Variants in CPEB1 observed in about 807,000 individuals in gnomAD.
CPEB1 encodes the protein cytoplasmic polyadenylation element binding protein 1.
CPEB1 carries 7 observed loss-of-function variants against 65.8 expected under a neutral mutation model. The observed-to-expected ratio is 0.11, with a 90% CI of 0.06 to 0.20. CPEB1 has a LOEUF of 0.20. Among genes scored for constraint, CPEB1 ranks in the 10% least tolerant of loss-of-function variants. The pLI, the probability that CPEB1 is intolerant of heterozygous loss-of-function variation, is 1.00. For missense variants in CPEB1, 551 were observed against 712.2 expected (o/e 0.77, Z 2.58); for synonymous variants, 262 against 260.0 (o/e 1.01, Z -0.08).
chr15:82,549,362 G>A (rs1205060523), intron 10 of CPEB1, 98 bp downstream of exon 10: 2 of 1,224,822 alleles, frequency 1.6e-6, no homozygotes, highest in African/African-American at 1.5e-5. Context: ...TGCAGACCTG[G>A]GTCAGGCCTC....
At chr15:82,606,233 C>T (rs1489455453) in intron 3 of CPEB1, among the ~76,000 whole-genome samples, 3 of 151,384 alleles carry the variant, frequency 2.0e-5, no homozygotes, top group Non-Finnish European at 2.9e-5. Context: ...TTTGGGAGGC[C>T]GAGGCAGGCG....
chr15:82,589,926 G>A lies in CPEB1; in HGVS notation c.272-18394C>T, dbSNP rs868268397. ...AATCTAGAGATAAAGTATATATAAAGGAGGACATGCATGGGTTAGATGCAA... is the reference window on the plus strand; with the variant it reads ...AATCTAGAGATAAAGTATATATAAAAGAGGACATGCATGGGTTAGATGCAA... On this transcript the variant is annotated intron_variant, in intron 3 of 12. Transcript: ENST00000684509. Among the ~76,000 whole-genome samples, 27 of 152,240 alleles carry A rather than the reference G, an allele frequency of 1.8e-4. 1 individual carries two copies. The Middle Eastern group carries it at 0.017, about 96-fold the overall frequency.
intron 3 of CPEB1, among the ~76,000 whole-genome samples, chr15:82,602,840 A>C (rs1229212039): frequency 6.6e-6 from 1 of 152,034 alleles, no homozygotes; most frequent in Admixed American, 6.6e-5. Context: ...GCAACCCTTC[A>C]TCTCAAAAAC....
At chr15:82,574,722 C>CAAAGAAAAAAAAAAA (rs2040462905) in intron 3 of CPEB1, among the ~76,000 whole-genome samples, 1 of 53,506 alleles carries the variant, frequency 1.9e-5, no homozygotes, top group African/African-American at 7.3e-5. Context: ...GACTCGGTCT[C>CAAAGAAAAAAAAAAA]AAAAAAAAAA....
chr15:82,552,372 A>G, intron 9 of CPEB1, 108 bp downstream of exon 9: 2 of 1,057,742 alleles, frequency 1.9e-6, no homozygotes, highest in Middle Eastern at 3.0e-4. Context: ...TTCTTGCCTC[A>G]GCAGGAATAC....
intron 3 of CPEB1, chr15:82,573,113 G>C: frequency 1.3e-6 from 2 of 1,535,610 alleles, no homozygotes; most frequent in Non-Finnish European, 8.7e-7. Context: ...TCCCATGGCA[G>C]GGTCGAGAGA....
At chr15:82,609,022 A>G (rs8028683) in intron 3 of CPEB1, among the ~76,000 whole-genome samples, 1,659 of 152,330 alleles carry the variant, frequency 0.011, 30 homozygotes, top group African/African-American at 0.037. Flanking sequence ...ACAGAATTAG[A>G]AGTCAGTAAC....
intron 3 of CPEB1, among the ~76,000 whole-genome samples, chr15:82,599,632 C>G (rs1287381539): frequency 6.6e-6 from 1 of 152,100 alleles, no homozygotes; most frequent in Non-Finnish European, 1.5e-5. Context: ...ATCTCTTTGC[C>G]CATCTCAGCA....
In CPEB1 at chr15:82,558,000, A is replaced by G. The variant is rs776578624; in HGVS notation, c.461-14T>C. On this transcript the variant is annotated splice_polypyrimidine_tract_variant and intron_variant, in intron 4 of 12. Coordinates refer to ENST00000684509, the MANE Select transcript of CPEB1 (RefSeq NM_001365242.1). ...GCATGCTCAGTACTAGGAGGACAAA[A>G]AAGGAAACCTCATGACCTCTTAGTT... 2.5e-5 allele frequency: 38 copies of G among 1,539,144 alleles called. No individual in the cohort carries two copies. Among genetic ancestry groups the G allele is most frequent in the Non-Finnish European group, 3.2e-5 (36 of 1,137,484 alleles).
At chr15:82,626,681 G>C (rs192294326) in intron 3 of CPEB1, among the ~76,000 whole-genome samples, 1 of 152,058 alleles carries the variant, frequency 6.6e-6, no homozygotes, top group Non-Finnish European at 1.5e-5. Context: ...TAAAACATTC[G>C]AGAGCTACAC....
rs1003558211 is a variant in CPEB1, at chr15:82,543,961, T to C, written c.*631A>G. On this transcript the variant is annotated 3_prime_UTR_variant, in exon 13 of 13. Coordinates refer to ENST00000684509, the MANE Select transcript of CPEB1 (RefSeq NM_001365242.1). ...ATCTTGTTCCAAACGACTTAAAAAC[T>C]GTTTTAAGGAGTGTAAAAAGGAACC... is the stretch of plus-strand genomic sequence containing the variant. The C allele has an allele frequency of 2.6e-5, 4 of 152,300 alleles. No homozygotes were observed. Among genetic ancestry groups the C allele is most frequent in the African/African-American group, 4.8e-5 (2 of 41,436 alleles). 9.4% of individuals were successfully genotyped at this position (152,300 alleles called of 1,614,324 possible). A position where few individuals can be genotyped will look rare whatever the true frequency, so the allele number is the denominator to read the frequency against.
intron 1 of CPEB1, chr15:82,641,630 G>A (rs2047125723): frequency 6.6e-6 from 1 of 151,900 alleles, no homozygotes; most frequent in Admixed American, 6.6e-5. Context: ...CCAACCTTTA[G>A]ACCTGCCCTC....
intron 3 of CPEB1, among the ~76,000 whole-genome samples, chr15:82,577,952 A>C (rs1458226682): frequency 2.0e-5 from 3 of 151,970 alleles, no homozygotes; most frequent in Non-Finnish European, 4.4e-5. Flanking sequence ...CATCCTGGCT[A>C]ACACGGTGAA....
At chr15:82,638,099 T>C in intron 1 of CPEB1, 1 of 335,366 alleles carries the variant, frequency 3.0e-6, no homozygotes, top group Non-Finnish European at 6.2e-6. Flanking sequence ...GGTTGAAGTA[T>C]ATGAAGAAAA....
At chr15:82,625,955 C>A (rs1360631339) in intron 3 of CPEB1, among the ~76,000 whole-genome samples, 2 of 151,468 alleles carry the variant, frequency 1.3e-5, no homozygotes, top group Non-Finnish European at 2.9e-5. Context: ...CCCATCTCTA[C>A]TAAAAATACA....
At chr15:82,607,652 C>A (rs2043748530) in intron 3 of CPEB1, among the ~76,000 whole-genome samples, 1 of 151,934 alleles carries the variant, frequency 6.6e-6, no homozygotes, top group South Asian at 2.1e-4. Flanking sequence ...GTATACCCTG[C>A]AAATAATAAC....
chr15:82,642,873 AAC>A (rs2047218364), intron 1 of CPEB1, among the ~76,000 whole-genome samples: 1 of 152,212 alleles, frequency 6.6e-6, no homozygotes, highest in African/African-American at 2.4e-5. Flanking sequence ...AGCTACTAAA[AAC>A]AGTGTAAACA....
chr15:82,605,286 T>A (rs1227336862), intron 3 of CPEB1, among the ~76,000 whole-genome samples: 3 of 152,130 alleles, frequency 2.0e-5, no homozygotes, highest in African/African-American at 7.2e-5. Flanking sequence ...TTAATCCACA[T>A]GAAGTAATAA....
chr15:82,629,369 G>A (rs1364515829), intron 1 of CPEB1: 2 of 985,060 alleles, frequency 2.0e-6, no homozygotes, highest in African/African-American at 1.7e-5. Context: ...ACAACTCTAT[G>A]TGGTCATTAT....
Sources: gnomAD v4.1 joint callset for allele counts (sites outside exome capture counted in the v4.1 genomes callset) on GRCh38, gnomAD v4.1.1 for gene constraint, MANE v1.5 for transcripts, NCBI Gene and HGNC (gene_info 2026-07-23, HGNC 2026-07-21) for gene names.